Variants in GALNT7 observed in about 807,000 individuals in gnomAD.
GALNT7 encodes polypeptide N-acetylgalactosaminyltransferase 7, also known as N-acetylgalactosaminyltransferase 7.
GALNT7 carries 60 observed loss-of-function variants against 82.1 expected under a neutral mutation model. The ratio of observed to expected loss-of-function variants is 0.73; its 90% confidence interval spans 0.59 to 0.91. The LOEUF is 0.91. GALNT7 is among the 40% of genes least tolerant of loss of function. The pLI is 0.00. For synonymous variants in GALNT7, 243 were observed against 275.1 expected (o/e 0.88, Z 1.15); for missense variants, 660 against 804.2 (o/e 0.82, Z 2.17).
intron 5 of GALNT7, among the ~76,000 whole-genome samples, chr4:173,296,140 C>G (rs533020476): frequency 3.4e-4 from 52 of 152,316 alleles, no homozygotes; most frequent in South Asian, 1.2e-3. Flanking sequence ...ATATGAATTG[C>G]TCCCTCTAAA....
Position 173,321,500 on chromosome 4 carries a change from A to G in GALNT7, c.1837-80A>G. 7.1e-6 allele frequency: 7 copies of G among 990,374 alleles called. No individual in the cohort carries two copies. The South Asian group carries it at 9.7e-5, about 14-fold the overall frequency. The allele number at this position is 990,374 out of a possible 1,614,324, so 61.3% of individuals were successfully genotyped here. On this transcript the variant is annotated intron_variant, in intron 11 of 11. Transcript: ENST00000265000. ...TTCCATTTCCTTAAACTGTCTCCTC[A>G]TGAAAGTCAAGTGATGATTTCTGAT... is the stretch of plus-strand genomic sequence containing the variant.
chr4:173,208,233 A>G (rs1733160567), intron 1 of GALNT7, among the ~76,000 whole-genome samples: 2 of 152,186 alleles, frequency 1.3e-5, no homozygotes, highest in African/African-American at 4.8e-5. Context: ...AAGTATAATC[A>G]TGCTGTTTTC....
chr4:173,179,222 G>C (rs913534971), intron 1 of GALNT7, among the ~76,000 whole-genome samples: 2 of 152,230 alleles, frequency 1.3e-5, no homozygotes, highest in African/African-American at 4.8e-5. Flanking sequence ...TAAATAGGCA[G>C]TAACTGAGAA....
At chr4:173,196,994 A>G (rs1194931513) in intron 1 of GALNT7, among the ~76,000 whole-genome samples, 2 of 151,750 alleles carry the variant, frequency 1.3e-5, no homozygotes, top group East Asian at 3.9e-4. Flanking sequence ...CCAGACACCC[A>G]GAGGTACATT....
At chr4:173,319,109 G>A (rs73872554) in intron 11 of GALNT7, among the ~76,000 whole-genome samples, 3,887 of 152,150 alleles carry the variant, frequency 0.026, 160 homozygotes, top group African/African-American at 0.087. Flanking sequence ...TTATTCACGT[G>A]ACACTGCTGG....
intron 1 of GALNT7, among the ~76,000 whole-genome samples, chr4:173,181,521 C>T (rs560666288): frequency 1.0e-3 from 155 of 152,270 alleles, no homozygotes; most frequent in Non-Finnish European, 1.9e-3. Flanking sequence ...TAAAGAAATA[C>T]ATTTTCTGTA....
chr4:173,292,279 T>C lies in GALNT7; in HGVS notation c.754+5T>C. ...TTGACGATTTCAGTAATAAAGGTAATGGCTGTGAAACTCACATTTTGTCTA... is the reference window on the plus strand; with the variant it reads ...TTGACGATTTCAGTAATAAAGGTAACGGCTGTGAAACTCACATTTTGTCTA... On this transcript the variant is annotated splice_donor_5th_base_variant and intron_variant, in intron 3 of 11. Coordinates refer to ENST00000265000, the MANE Select transcript of GALNT7 (RefSeq NM_017423.3). This position sits in a 1 kb window ranked among gnomAD's most constrained non-coding sequence, Gnocchi z 4.8. The C allele has an allele frequency of 6.6e-7, 1 of 1,523,116 alleles. No homozygotes were observed. Among genetic ancestry groups the C allele is most frequent in the South Asian group, 1.2e-5 (1 of 80,076 alleles). 94.4% of individuals were successfully genotyped at this position (1,523,116 alleles called of 1,614,324 possible).
At chr4:173,242,945 G>A (rs1734485926) in intron 1 of GALNT7, among the ~76,000 whole-genome samples, 1 of 152,192 alleles carries the variant, frequency 6.6e-6, no homozygotes, top group African/African-American at 2.4e-5. Flanking sequence ...TAAAATCACA[G>A]AATGAAGTTT....
intron 1 of GALNT7, among the ~76,000 whole-genome samples, chr4:173,224,830 G>C (rs888840578): frequency 2.0e-5 from 3 of 151,500 alleles, no homozygotes; most frequent in African/African-American, 7.3e-5. Context: ...GGCTAACACG[G>C]TGAAACCCCG....
intron 2 of GALNT7, among the ~76,000 whole-genome samples, chr4:173,256,791 T>C (rs1423880458): frequency 6.6e-6 from 1 of 152,200 alleles, no homozygotes; most frequent in Non-Finnish European, 1.5e-5. Context: ...GAATGGGAGA[T>C]ATTTTCTATA....
intron 8 of GALNT7, among the ~76,000 whole-genome samples, chr4:173,311,440 G>A (rs1561200239): frequency 6.6e-6 from 1 of 152,232 alleles, no homozygotes; most frequent in Admixed American, 6.5e-5. Context: ...TTGGCTCACA[G>A]TTCTGCAGGC....
At chr4:173,198,363 C>T (rs186089097) in intron 1 of GALNT7, among the ~76,000 whole-genome samples, 8 of 152,172 alleles carry the variant, frequency 5.3e-5, no homozygotes, top group East Asian at 1.9e-4. Flanking sequence ...CCACCGCGCC[C>T]GGCCTGGATT....
intron 1 of GALNT7, among the ~76,000 whole-genome samples, chr4:173,243,509 A>T (rs1734501724): frequency 6.6e-6 from 1 of 152,216 alleles, no homozygotes; most frequent in African/African-American, 2.4e-5. Flanking sequence ...TGAGTCACAG[A>T]GGCATCTACT....
At chr4:173,278,080 C>T (rs1443189849) in intron 2 of GALNT7, among the ~76,000 whole-genome samples, 1 of 152,162 alleles carries the variant, frequency 6.6e-6, no homozygotes, top group African/African-American at 2.4e-5. Context: ...TTCTTGGAAA[C>T]TTGTCACTGA....
intron 2 of GALNT7, among the ~76,000 whole-genome samples, chr4:173,268,530 G>GC (rs1183747594): frequency 1.9e-5 from 1 of 52,336 alleles, no homozygotes; most frequent in Admixed American, 3.5e-4. Context: ...TTTCTCTCTC[G>GC]TTTTTTTTTT....
At chr4:173,174,261 CA>C (rs1350769015) in intron 1 of GALNT7, among the ~76,000 whole-genome samples, 14 of 152,254 alleles carry the variant, frequency 9.2e-5, no homozygotes, top group Admixed American at 5.9e-4. Flanking sequence ...CATACATCTA[CA>C]TTTTTTTCTA....
intron 2 of GALNT7, among the ~76,000 whole-genome samples, chr4:173,258,503 G>A (rs1210267376): frequency 6.6e-6 from 1 of 152,142 alleles, no homozygotes; most frequent in Non-Finnish European, 1.5e-5. Context: ...TTATCTCTCT[G>A]TTGCAGCAGC....
intron 9 of GALNT7, 23 bp downstream of exon 9, chr4:173,314,199 G>T (rs764548993): frequency 2.1e-6 from 3 of 1,401,264 alleles, no homozygotes; most frequent in Non-Finnish European, 3.0e-6. Flanking sequence ...ATCTCAAAAT[G>T]TATGTGTTTG....
At chr4:173,231,809 T>G (rs1734038475) in intron 1 of GALNT7, among the ~76,000 whole-genome samples, 1 of 152,100 alleles carries the variant, frequency 6.6e-6, no homozygotes, top group African/African-American at 2.4e-5. Flanking sequence ...ATAAGGAAAC[T>G]AGAAATGGCA....
Sources: allele counts gnomAD v4.1 joint callset (sites outside exome capture counted in the v4.1 genomes callset), GRCh38; gene constraint gnomAD v4.1.1; non-coding constraint Gnocchi (gnomAD v3.1); transcripts MANE v1.5; gene names NCBI Gene and HGNC (gene_info 2026-07-23, HGNC 2026-07-21).